The following RABGEF1 variants were observed in gnomAD, a reference collection of about 807,000 sequenced individuals.
RABGEF1 encodes the protein RAB guanine nucleotide exchange factor 1, also known as rab5 GDP/GTP exchange factor.
In RABGEF1, 26 loss-of-function variants were observed where a neutral mutation model predicts 57.3. That is an observed-to-expected ratio of 0.45 (90% confidence interval 0.33 to 0.63). The LOEUF is 0.63. RABGEF1 is among the 20% of genes least tolerant of loss of function. RABGEF1 has a pLI of 0.02. For missense variants in RABGEF1, 464 were observed against 607.6 expected (o/e 0.76, Z 2.48); for synonymous variants, 185 against 210.7 (o/e 0.88, Z 1.06).
At chr7:66,732,381 C>G (rs1585006807) in intron 2 of RABGEF1, among the ~76,000 whole-genome samples, 1 of 152,306 alleles carries the variant, frequency 6.6e-6, no homozygotes, top group East Asian at 1.9e-4. Flanking sequence ...TGCCCACCAC[C>G]CACCAAGAGG....
At chr7:66,675,847 ATACTT>A in the RABGEF1 span, among the ~76,000 whole-genome samples, 1 of 152,178 alleles carries the variant, frequency 6.6e-6, no homozygotes, top group East Asian at 1.9e-4. Context: ...AAAGTATAAA[ATACTT>A]TAGGGTAAAT....
At chr7:66,667,009 A>G in the RABGEF1 span, among the ~76,000 whole-genome samples, 1 of 152,088 alleles carries the variant, frequency 6.6e-6, no homozygotes, top group Non-Finnish European at 1.5e-5. Flanking sequence ...GTGGGAAATC[A>G]TATGTCCACT....
intron 1 of RABGEF1, among the ~76,000 whole-genome samples, chr7:66,707,441 C>A (rs6964080): frequency 6.6e-6 from 1 of 151,984 alleles, no homozygotes; most frequent in African/African-American, 2.4e-5. Flanking sequence ...ACCTGCAATC[C>A]CAGCACTTTG....
At chr7:66,729,058 C>G (rs1412003612) in intron 2 of RABGEF1, among the ~76,000 whole-genome samples, 3 of 151,530 alleles carry the variant, frequency 2.0e-5, no homozygotes, top group Admixed American at 6.6e-5. Flanking sequence ...TCAACCGATT[C>G]TCCTGCCTCA....
At chr7:66,661,711 G>A in the RABGEF1 span, among the ~76,000 whole-genome samples, 39 of 152,206 alleles carry the variant, frequency 2.6e-4, no homozygotes, top group South Asian at 3.9e-3. Flanking sequence ...ATTAATGCCA[G>A]TCCTTTGCAA....
intron 7 of RABGEF1, among the ~76,000 whole-genome samples, chr7:66,801,874 T>C (rs923777937): frequency 3.3e-5 from 5 of 152,194 alleles, no homozygotes; most frequent in Non-Finnish European, 1.5e-5. Flanking sequence ...CCGGAGACAT[T>C]GGACAACATC....
chr7:66,803,924 TG>T (rs1373402184), intron 7 of RABGEF1, among the ~76,000 whole-genome samples: 2 of 151,446 alleles, frequency 1.3e-5, no homozygotes, highest in Admixed American at 1.3e-4. Flanking sequence ...AATTTTTCCC[TG>T]GGAGAAGTAA....
intron 1 of RABGEF1, among the ~76,000 whole-genome samples, chr7:66,709,343 CA>C (rs1345163020): frequency 6.6e-5 from 10 of 151,950 alleles, no homozygotes; most frequent in African/African-American, 2.4e-4. Flanking sequence ...TTTTAAACTG[CA>C]AAAATGAATT....
At chr7:66,713,395 T>C (rs1795007735) in intron 2 of RABGEF1, among the ~76,000 whole-genome samples, 1 of 152,218 alleles carries the variant, frequency 6.6e-6, no homozygotes, top group East Asian at 1.9e-4. Flanking sequence ...TCCAAAGTGC[T>C]GGGATTACAG....
intron 1 of RABGEF1, among the ~76,000 whole-genome samples, chr7:66,753,700 CGT>C (rs1491162208): frequency 1.0e-4 from 8 of 78,546 alleles, no homozygotes; most frequent in African/African-American, 2.6e-4. Flanking sequence ...ATTTTGCCAT[CGT>C]TTTTTTTTTT....
the RABGEF1 span, among the ~76,000 whole-genome samples, chr7:66,661,216 G>A: frequency 4.3e-5 from 6 of 141,104 alleles, no homozygotes; most frequent in Admixed American, 2.3e-4. Flanking sequence ...GGAGAATGGC[G>A]TAAACCCAGG....
upstream of RABGEF1, chr7:66,740,378 C>T (rs1458697917): frequency 6.6e-6 from 1 of 152,308 alleles, no homozygotes; most frequent in Non-Finnish European, 1.5e-5. Flanking sequence ...CCCATTCGCG[C>T]TACCACCGCG....
the RABGEF1 span, chr7:66,665,142 C>T: frequency 6.6e-6 from 1 of 151,824 alleles, no homozygotes; most frequent in Non-Finnish European, 1.5e-5. Flanking sequence ...TCCTTGTTCT[C>T]AGAATTCTTG....
chr7:66,678,914 G>A (rs1454116709), upstream of RABGEF1, among the ~76,000 whole-genome samples: 1 of 152,178 alleles, frequency 6.6e-6, no homozygotes, highest in Non-Finnish European at 1.5e-5. Context: ...AGTTAAACAA[G>A]AAAGTACTCA....
chr7:66,677,279 C>T (rs1290305833), upstream of RABGEF1, among the ~76,000 whole-genome samples: 1 of 152,154 alleles, frequency 6.6e-6, no homozygotes, highest in Admixed American at 6.6e-5. Context: ...GAAAAATCTA[C>T]AGTTAACATC....
intron 3 of RABGEF1, among the ~76,000 whole-genome samples, chr7:66,775,689 G>A (rs1280843283): frequency 1.3e-5 from 2 of 152,150 alleles, no homozygotes; most frequent in African/African-American, 4.8e-5. Context: ...GGATGTTTTG[G>A]TTTTTGTGCC....
chr7:66,675,602 A>G, the RABGEF1 span, among the ~76,000 whole-genome samples: 3 of 152,156 alleles, frequency 2.0e-5, no homozygotes, highest in Admixed American at 6.6e-5. Flanking sequence ...ATTCAGCAAG[A>G]CAAATTTAAA....
intron 4 of RABGEF1, among the ~76,000 whole-genome samples, chr7:66,792,097 C>T (rs1812815599): frequency 1.4e-5 from 2 of 144,940 alleles, no homozygotes; most frequent in Non-Finnish European, 3.0e-5. Context: ...GGCGACAGAG[C>T]GAGACTCCAT....
chr7:66,758,959 T>C (rs1477333643), intron 1 of RABGEF1, among the ~76,000 whole-genome samples: 3 of 152,262 alleles, frequency 2.0e-5, no homozygotes, highest in African/African-American at 7.2e-5. Flanking sequence ...AGACAGGTCC[T>C]GTGTACTCTT....
Sources: allele counts gnomAD v4.1 joint callset (sites outside exome capture counted in the v4.1 genomes callset), GRCh38; gene constraint gnomAD v4.1.1; transcripts MANE v1.5; gene names NCBI Gene and HGNC (gene_info 2026-07-23, HGNC 2026-07-21).